The following ASXL3 variants were observed in gnomAD, a reference collection of about 807,000 sequenced individuals.
The protein encoded by ASXL3 is ASXL transcriptional regulator 3, also known as putative Polycomb group protein ASXL3.
In ASXL3, 34 loss-of-function variants were observed where a neutral mutation model predicts 170.6. That is an observed-to-expected ratio of 0.20 (90% CI 0.15 to 0.27). ASXL3 has a LOEUF of 0.27. Ranked by LOEUF, ASXL3 falls within the 10% of genes least tolerant of loss-of-function variation. The pLI, the probability that ASXL3 is intolerant of heterozygous loss-of-function variation, is 1.00. For synonymous variants in ASXL3, 1,002 were observed against 989.1 expected (o/e 1.01, Z -0.24); for missense variants, 2,592 against 2,695.3 (o/e 0.96, Z 0.85).
chr18:33,678,725 T>C (rs1426443988), intron 7 of ASXL3, among the ~76,000 whole-genome samples: 2 of 152,140 alleles, frequency 1.3e-5, no homozygotes, highest in African/African-American at 2.4e-5. Flanking sequence ...CTGGGTACTA[T>C]AGGGAGATAT....
chr18:33,630,958 G>A (rs1402841662), intron 2 of ASXL3, among the ~76,000 whole-genome samples: 4 of 151,760 alleles, frequency 2.6e-5, no homozygotes, highest in Non-Finnish European at 2.9e-5. Flanking sequence ...AATATGAAAA[G>A]TCATACCAAT....
At position 33,745,642 on chromosome 18, in the gene ASXL3, T is replaced by G; in HGVS notation, c.5794T>G (p.Tyr1932Asp). Residue 1932 changes from tyrosine to aspartate, a missense_variant, in exon 12 of 12, where the codon TAC becomes GAC. Physicochemically the swap from Tyr to Asp is radical, Grantham distance 160. Coordinates refer to ENST00000269197, the MANE Select transcript of ASXL3 (RefSeq NM_030632.3). ...TGGTACCTCACACAGACAGCAGTTT[T>G]ACCAAATGCCTGTGGCTGCCAGGGG... Reference protein sequence around the residue: ...DAGTSHRQQFYQMPVAARGPI... With the variant: ...DAGTSHRQQFDQMPVAARGPI... The G allele has an allele frequency of 6.2e-7, 1 of 1,613,968 alleles. No individual in the cohort carries two copies. Among genetic ancestry groups the G allele is most frequent in the East Asian group, 2.2e-5 (1 of 44,878 alleles).
intron 8 of ASXL3, among the ~76,000 whole-genome samples, chr18:33,699,948 T>C (rs909204207): frequency 2.0e-5 from 3 of 152,088 alleles, no homozygotes; most frequent in Non-Finnish European, 4.4e-5. Flanking sequence ...TTTTATCTCC[T>C]TTATAATTAG....
intron 4 of ASXL3, among the ~76,000 whole-genome samples, chr18:33,656,361 T>C (rs1216779831): frequency 2.0e-5 from 3 of 152,002 alleles, no homozygotes; most frequent in Admixed American, 6.6e-5. Context: ...AGAAATGAAA[T>C]TGGTAAAAGG....
rs1299986285 is a variant in ASXL3 at position 33,740,097 on chromosome 18, C to T, written c.2693C>T (p.Pro898Leu). 2 of 1,613,934 alleles carry T rather than the reference C, an allele frequency of 1.2e-6. No individual in the cohort carries two copies. Among genetic ancestry groups the T allele is most frequent in the Admixed American group, 3.3e-5 (2 of 60,024 alleles). ...ACAGATAATAAGGGAAATGAGCTTCCATCTGCTAAATTACAGGACAAGCAA... is the reference window on the plus strand; with the variant it reads ...ACAGATAATAAGGGAAATGAGCTTCTATCTGCTAAATTACAGGACAAGCAA... ...EGTDNKGNEL[P>L]SAKLQDKQYI... is the part of the protein sequence containing the mutation. The change falls in exon 11 of 12, where the codon CCA becomes CTA. Residue 898 changes from proline to leucine, a missense_variant. Physicochemically the swap from Pro to Leu is moderately conservative, Grantham distance 98 (BLOSUM62 -3). Coordinates refer to ENST00000269197, the MANE Select transcript of ASXL3 (RefSeq NM_030632.3).
intron 8 of ASXL3, among the ~76,000 whole-genome samples, chr18:33,723,408 T>C (rs1369285761): frequency 6.6e-6 from 1 of 152,130 alleles, no homozygotes; most frequent in Non-Finnish European, 1.5e-5. Context: ...TATAGATGAC[T>C]TTGAGGAGTT....
intron 2 of ASXL3, among the ~76,000 whole-genome samples, chr18:33,634,575 A>G (rs984460544): frequency 9.9e-5 from 15 of 152,226 alleles, no homozygotes; most frequent in South Asian, 2.1e-4. Flanking sequence ...GTGTTTTTCT[A>G]TGGTCTGTAC....
At chr18:33,621,550 A>G (rs944817857) in intron 2 of ASXL3, among the ~76,000 whole-genome samples, 2 of 152,134 alleles carry the variant, frequency 1.3e-5, no homozygotes, top group Non-Finnish European at 2.9e-5. Flanking sequence ...ATAGTGATCT[A>G]AAATTTTTGA....
At chr18:33,661,881 T>A in intron 5 of ASXL3, 144 bp downstream of exon 5, 1 of 957,518 alleles carries the variant, frequency 1.0e-6, no homozygotes, top group Non-Finnish European at 1.4e-6. Flanking sequence ...TTCAGTTCAA[T>A]AATTTTAATC....
intron 2 of ASXL3, among the ~76,000 whole-genome samples, chr18:33,641,393 C>G (rs556891746): frequency 1.3e-5 from 2 of 151,508 alleles, no homozygotes; most frequent in Admixed American, 1.3e-4. Flanking sequence ...CCTTACAGTA[C>G]AGGGGGAAAA....
At chr18:33,696,534 C>G (rs911320966) in intron 8 of ASXL3, among the ~76,000 whole-genome samples, 1 of 151,950 alleles carries the variant, frequency 6.6e-6, no homozygotes, top group Non-Finnish European at 1.5e-5. Context: ...TTAGATTAAC[C>G]AGAGGGATAA....
At chr18:33,704,488 C>T (rs12709667) in intron 8 of ASXL3, among the ~76,000 whole-genome samples, 128,690 of 151,966 alleles carry the variant, frequency 0.85, 55,127 homozygotes, top group East Asian at 0.98. Context: ...CACAATAATA[C>T]AAATGCATTT....
At chr18:33,655,962 A>T (rs902565647) in intron 4 of ASXL3, among the ~76,000 whole-genome samples, 9 of 152,014 alleles carry the variant, frequency 5.9e-5, no homozygotes, top group Non-Finnish European at 1.3e-4. Flanking sequence ...AACATTTTTT[A>T]AAAATTCTTA....
At chr18:33,701,193 A>C (rs714042) in intron 8 of ASXL3, among the ~76,000 whole-genome samples, 11,860 of 152,006 alleles carry the variant, frequency 0.078, 507 homozygotes, top group African/African-American at 0.08. Flanking sequence ...TTTTATATTT[A>C]AAATTTTTTC....
chr18:33,724,513 G>A (rs985823306), intron 8 of ASXL3, among the ~76,000 whole-genome samples: 1 of 152,122 alleles, frequency 6.6e-6, no homozygotes, highest in Admixed American at 6.5e-5. Context: ...TTCTGTCAGT[G>A]ATACTTTTAC....
At position 33,744,122 on chromosome 18, in the gene ASXL3, C is replaced by G. The variant is rs768027612; in HGVS notation, c.4274C>G (p.Ser1425Cys). The change falls in exon 12 of 12, where the codon TCT becomes TGT. Residue 1425 changes from serine (S) to cysteine (C), a missense_variant. Ser to Cys is a moderately radical substitution (Grantham distance 112, BLOSUM62 -1). This residue lies in a region of ASXL3 where 2,246 missense variants were observed against 2,219.6 expected (regional missense o/e 1.01). Transcript: ENST00000269197. ...MFTGNMLTIN[S>C]YDSPPKLSAE... Reference sequence around the variant, plus strand: ...ACTGGAAACATGCTGACAATAAACTCTTATGATAGTCCTCCCAAGTTAAGT... The same window carrying G: ...ACTGGAAACATGCTGACAATAAACTGTTATGATAGTCCTCCCAAGTTAAGT... The G allele has an allele frequency of 6.2e-7, 1 of 1,614,042 alleles. No individual in the cohort carries two copies. Among genetic ancestry groups the G allele is most frequent in the Non-Finnish European group, 8.5e-7 (1 of 1,179,904 alleles).
rs2067610013 is a variant in ASXL3, at chr18:33,739,301, C to G, written c.1897C>G (p.Gln633Glu). The G allele has an allele frequency of 1.2e-6, 2 of 1,613,376 alleles. No homozygotes were observed. Among genetic ancestry groups the G allele is most frequent in the African/African-American group, 1.3e-5 (1 of 74,908 alleles). The change falls in exon 11 of 12, where the codon CAG (glutamine) becomes GAG (glutamate). Residue 633 changes from glutamine (Q) to glutamate (E), a missense_variant. This residue lies in a region of ASXL3 where 2,246 missense variants were observed against 2,219.6 expected (regional missense o/e 1.01). Transcript: ENST00000269197. Reference protein sequence around the residue: ...TSLPSPGGETQSTSEESCTPA... With the variant: ...TSLPSPGGETESTSEESCTPA... ...CCTGCCTTCTCCAGGAGGGGAAACA[C>G]AGTCCACATCAGAAGAATCATGTAC... is the stretch of plus-strand genomic sequence containing the variant.
intron 1 of ASXL3, among the ~76,000 whole-genome samples, chr18:33,596,086 G>A (rs2065124045): frequency 6.6e-6 from 1 of 151,782 alleles, no homozygotes; most frequent in South Asian, 2.1e-4. Context: ...TGGAAATATA[G>A]CAGCAAACAC....
intron 1 of ASXL3, among the ~76,000 whole-genome samples, chr18:33,589,244 C>T (rs1334076420): frequency 6.6e-6 from 1 of 152,084 alleles, no homozygotes; most frequent in African/African-American, 2.4e-5. Flanking sequence ...AGAGTGGTTG[C>T]AATATTTAAA....
Sources: allele counts gnomAD v4.1 joint callset (sites outside exome capture counted in the v4.1 genomes callset), GRCh38; gene constraint gnomAD v4.1.1; regional missense constraint gnomAD v4.1.1; transcripts MANE v1.5; gene names NCBI Gene and HGNC (gene_info 2026-07-23, HGNC 2026-07-21).